The following TMPRSS15 variants were observed in gnomAD, a reference collection of about 807,000 sequenced individuals.
TMPRSS15 encodes transmembrane serine protease 15, also known as enteropeptidase.
TMPRSS15 carries 128 observed loss-of-function variants against 125.3 expected under a neutral mutation model. The observed-to-expected ratio is 1.02, with a 90% CI of 0.89 to 1.18. The LOEUF (loss-of-function observed/expected upper bound fraction) is 1.18, where lower values mean the gene tolerates loss of function less well. Ranked by LOEUF, TMPRSS15 falls within the 50% of genes most tolerant of loss-of-function variation. The pLI, the probability that TMPRSS15 is intolerant of heterozygous loss-of-function variation, is 0.00. For missense variants in TMPRSS15, 1,283 were observed against 1,212.7 expected, an observed-to-expected ratio of 1.06 and a Z score of -0.86; for synonymous variants, 446 against 423.2, an observed-to-expected ratio of 1.05 and a Z score of -0.66.
intron 1 of TMPRSS15, chr21:18,460,549 T>C (rs1165357239): frequency 2.6e-5 from 4 of 152,208 alleles, no homozygotes; most frequent in African/African-American, 9.6e-5. Flanking sequence ...TAGAAAGAGA[T>C]TTGTTTTAAA....
chr21:18,472,480 T>TATATATATATATATATATACAC (rs1491127013), intron 1 of TMPRSS15, among the ~76,000 whole-genome samples: 8 of 112,350 alleles, frequency 7.1e-5, no homozygotes, highest in African/African-American at 2.5e-4. Flanking sequence ...TATATATATA[T>TATATATATATATATATATACAC]ACACACACAC....
At chr21:18,317,847 C>T (rs62213427) in intron 16 of TMPRSS15, among the ~76,000 whole-genome samples, 2 of 50,074 alleles carry the variant, frequency 4.0e-5, no homozygotes, top group African/African-American at 2.0e-4. Context: ...TCCATCCCAT[C>T]CCATCCCATC....
intron 19 of TMPRSS15, 146 bp from the exon 20 acceptor site, chr21:18,294,798 C>T (rs1413111025): frequency 7.0e-6 from 5 of 717,920 alleles, no homozygotes; most frequent in South Asian, 1.7e-5. Context: ...AATTGTAAGC[C>T]GAAGAAGCCC....
intron 6 of TMPRSS15, among the ~76,000 whole-genome samples, chr21:18,368,442 A>G (rs1048906713): frequency 6.6e-6 from 1 of 152,182 alleles, no homozygotes; most frequent in Non-Finnish European, 1.5e-5. Flanking sequence ...TCTATTTCCA[A>G]ATATGGTTTC....
At chr21:18,426,855 G>C (rs551503459) in intron 1 of TMPRSS15, among the ~76,000 whole-genome samples, 210 of 152,166 alleles carry the variant, frequency 1.4e-3, no homozygotes, top group Non-Finnish European at 2.5e-3. Flanking sequence ...CCTAGATGAC[G>C]CACATGCCAT....
At chr21:18,271,306 A>C (rs2146848056) in intron 24 of TMPRSS15, among the ~76,000 whole-genome samples, 1 of 152,382 alleles carries the variant, frequency 6.6e-6, no homozygotes, top group African/African-American at 2.4e-5. Context: ...ATTATTAAAA[A>C]TAAACTTCAG....
chr21:18,424,045 G>C (rs2076197771), intron 1 of TMPRSS15, among the ~76,000 whole-genome samples: 1 of 152,024 alleles, frequency 6.6e-6, no homozygotes, highest in Admixed American at 6.6e-5. Flanking sequence ...TCAATAATTT[G>C]CCTAAATATT....
At chr21:18,333,725 A>G (rs949517876) in intron 13 of TMPRSS15, among the ~76,000 whole-genome samples, 11 of 152,162 alleles carry the variant, frequency 7.2e-5, no homozygotes, top group Non-Finnish European at 1.6e-4. Flanking sequence ...TGATTAAGGC[A>G]AATTTATTAA....
At position 18,270,268 on chromosome 21, in the gene TMPRSS15, T is replaced by C. The variant is rs987651147; in HGVS notation, c.2905-144A>G. 7 of 655,860 alleles carry C rather than the reference T, an allele frequency of 1.1e-5. No homozygotes were observed. The Admixed American group carries it at 1.9e-4, about 18-fold the overall frequency. 40.6% of individuals were successfully genotyped at this position (655,860 alleles called of 1,614,324 possible). A position where few individuals can be genotyped will look rare whatever the true frequency, so the allele number is the denominator to read the frequency against. On this transcript the variant is annotated intron_variant, in intron 24 of 24. Coordinates refer to ENST00000284885, the MANE Select transcript of TMPRSS15 (RefSeq NM_002772.3). ...GCAAGTCATCTGTATATATTCTCAC[T>C]TTCACTCTAAGTCAGGAATGAGAAC...
intron 11 of TMPRSS15, 138 bp downstream of exon 11, chr21:18,343,817 G>T: frequency 1.8e-6 from 2 of 1,137,868 alleles, no homozygotes; most frequent in Non-Finnish European, 2.6e-6. Flanking sequence ...ATGTTTTATT[G>T]CTTATCAGTT....
At chr21:18,401,414 C>T (rs2076093801) in intron 1 of TMPRSS15, among the ~76,000 whole-genome samples, 1 of 152,094 alleles carries the variant, frequency 6.6e-6, no homozygotes, top group Admixed American at 6.5e-5. Flanking sequence ...AAAGAATGAA[C>T]TCATGTCCTT....
chr21:18,456,717 G>A (rs115093203), intron 1 of TMPRSS15, among the ~76,000 whole-genome samples: 13 of 152,020 alleles, frequency 8.6e-5, no homozygotes, highest in East Asian at 3.9e-4. Context: ...TAATACATAC[G>A]TAGTGCTACT....
At chr21:18,397,300 C>G (rs2824802) in intron 3 of TMPRSS15, among the ~76,000 whole-genome samples, 2 of 151,782 alleles carry the variant, frequency 1.3e-5, no homozygotes, top group Non-Finnish European at 2.9e-5. Context: ...GTGACAAATA[C>G]AAAAGCTAAT....
intron 1 of TMPRSS15, among the ~76,000 whole-genome samples, chr21:18,457,455 T>C (rs1281940007): frequency 1.3e-5 from 2 of 152,080 alleles, no homozygotes; most frequent in Non-Finnish European, 2.9e-5. Context: ...GATGGGGACT[T>C]GTCATTAAAA....
intron 1 of TMPRSS15, among the ~76,000 whole-genome samples, chr21:18,477,909 G>T (rs763404263): frequency 6.6e-6 from 1 of 151,968 alleles, no homozygotes; most frequent in Non-Finnish European, 1.5e-5. Flanking sequence ...TAAAAATGTG[G>T]TTATCACCCA....
chr21:18,340,271 T>C (rs1193869719), intron 13 of TMPRSS15, among the ~76,000 whole-genome samples: 2 of 152,208 alleles, frequency 1.3e-5, no homozygotes, highest in Non-Finnish European at 1.5e-5. Context: ...CTGAATTTTC[T>C]GGCCTTCATC....
At chr21:18,329,442 T>C in intron 14 of TMPRSS15, 148 bp from the exon 15 acceptor site, 1 of 705,628 alleles carries the variant, frequency 1.4e-6, no homozygotes, top group Non-Finnish European at 2.1e-6. Flanking sequence ...GTTTCTTTTT[T>C]CTTTTCATTA....
At chr21:18,471,337 T>A (rs1199369465) in intron 1 of TMPRSS15, among the ~76,000 whole-genome samples, 1 of 152,120 alleles carries the variant, frequency 6.6e-6, no homozygotes, top group Non-Finnish European at 1.5e-5. Context: ...TACTTAGCCA[T>A]CACTCTCTTG....
At chr21:18,465,015 A>G (rs1978630185) in intron 1 of TMPRSS15, among the ~76,000 whole-genome samples, 1 of 152,178 alleles carries the variant, frequency 6.6e-6, no homozygotes, top group Non-Finnish European at 1.5e-5. Context: ...TCCTCAATAA[A>G]ATACAGGCAA....
Sources: gnomAD v4.1 joint callset for allele counts (sites outside exome capture counted in the v4.1 genomes callset) on GRCh38, gnomAD v4.1.1 for gene constraint, MANE v1.5 for transcripts, NCBI Gene and HGNC (gene_info 2026-07-23, HGNC 2026-07-21) for gene names.